The following NDUFA9 variants were observed in gnomAD, a reference collection of about 807,000 sequenced individuals.
NDUFA9 encodes the protein NADH:ubiquinone oxidoreductase subunit A9, also known as NADH dehydrogenase [ubiquinone] 1 alpha subcomplex subunit 9, mitochondrial.
In NDUFA9, 23 loss-of-function variants were observed where a neutral mutation model predicts 45.9. The observed-to-expected ratio is 0.50, with a 90% CI of 0.36 to 0.71. The LOEUF (loss-of-function observed/expected upper bound fraction) is 0.71, where lower values mean the gene tolerates loss of function less well. Among genes scored for constraint, NDUFA9 ranks in the 30% least tolerant of loss-of-function variants. The pLI is 0.00. For missense variants in NDUFA9, 466 were observed against 488.2 expected, an observed-to-expected ratio of 0.95 and a Z score of 0.43; for synonymous variants, 176 against 170.5, an observed-to-expected ratio of 1.03 and a Z score of -0.25.
chr12:4,686,879 A>G, intron 10 of NDUFA9, 59 bp from the exon 11 acceptor site: 2 of 1,524,374 alleles, frequency 1.3e-6, no homozygotes, highest in South Asian at 1.2e-5. Flanking sequence ...GCCTGCTAGG[A>G]TAGCACTTTG....
chr12:4,655,582 C>A (rs886540715), intron 3 of NDUFA9, among the ~76,000 whole-genome samples: 1 of 151,816 alleles, frequency 6.6e-6, no homozygotes, highest in Non-Finnish European at 1.5e-5. Context: ...TTCTTTTTTA[C>A]CTATGTGCCT....
chr12:4,686,841 G>C (rs1434531317), intron 10 of NDUFA9, 97 bp from the exon 11 acceptor site: 2 of 1,152,654 alleles, frequency 1.7e-6, no homozygotes, highest in Admixed American at 2.5e-5. Flanking sequence ...CTCAATAATA[G>C]GACTCATGCC....
At chr12:4,654,269 T>C (rs1945776150) in intron 1 of NDUFA9, 23 bp from the exon 2 acceptor site, 5 of 1,597,496 alleles carry the variant, frequency 3.1e-6, no homozygotes, top group Non-Finnish European at 4.3e-6. Flanking sequence ...GCCATGCTTG[T>C]ATACTTTGGG....
chr12:4,654,779 C>A, intron 2 of NDUFA9, 46 bp from the exon 3 acceptor site: 1 of 1,326,958 alleles, frequency 7.5e-7, no homozygotes. Context: ...ATAATATATC[C>A]ACATTATGTT....
rs1203724842 is a variant in NDUFA9 at position 4,687,461 on chromosome 12, GT to G, written c.*359del. ...TAAAGACCCCAAGTGATATGTGATT[GT>G]TTTTTAATTTCCATTAAATGAGAGA... is the stretch of plus-strand genomic sequence containing the variant. On this transcript the variant is annotated 3_prime_UTR_variant, in exon 11 of 11. Transcript: ENST00000266544. 6.0e-6 allele frequency: 1 copy of G among 165,892 alleles called. No homozygotes were observed. The highest frequency in any genetic ancestry group is 1.3e-5 in the Non-Finnish European group (1 of 77,532). The allele number at this position is 165,892 out of a possible 1,614,324, so 10.3% of individuals were successfully genotyped here.
At chr12:4,657,490 A>G (rs1440172000) in intron 3 of NDUFA9, 2 of 364,292 alleles carry the variant, frequency 5.5e-6, no homozygotes, top group South Asian at 8.2e-5. Flanking sequence ...TTAAAAATCA[A>G]TAGCCTCCTT....
In NDUFA9 at chr12:4,687,213, A is replaced by G. The variant is rs1231162919; in HGVS notation, c.*105A>G. The G allele has an allele frequency of 2.9e-6, 3 of 1,036,058 alleles. No homozygotes were observed. Among genetic ancestry groups the G allele is most frequent in the Non-Finnish European group, 4.1e-6 (3 of 738,568 alleles). 64.2% of individuals were successfully genotyped at this position (1,036,058 alleles called of 1,614,324 possible). On this transcript the variant is annotated 3_prime_UTR_variant, in exon 11 of 11. Coordinates refer to ENST00000266544, the MANE Select transcript of NDUFA9 (RefSeq NM_005002.5). ...AGAGGATCCTGTACACAGTTCCACT[A>G]TTAAAACATTTCAGGTTGAATTCTG... is the stretch of plus-strand genomic sequence containing the variant.
chr12:4,689,767 G>A lies in NDUFA9; in HGVS notation c.*2659G>A, dbSNP rs143780413. 1,250 of 177,696 alleles carry A rather than the reference G, an allele frequency of 7.0e-3. 8 individuals are homozygous for A. The highest frequency in any genetic ancestry group is 0.011 in the Non-Finnish European group (936 of 87,168). The allele number at this position is 177,696 out of a possible 1,614,324, so 11.0% of individuals were successfully genotyped here. On this transcript the variant is annotated 3_prime_UTR_variant, in exon 11 of 11. Transcript: ENST00000266544. ...CCCACATTTCCCCCTTTTCTATTCCGCAAAACCACCATCGTCATCATGGCC... is the reference window on the plus strand; with the variant it reads ...CCCACATTTCCCCCTTTTCTATTCCACAAAACCACCATCGTCATCATGGCC...
At position 4,691,945 on chromosome 12, in the gene NDUFA9, C is replaced by T. The variant is rs1204434574; in HGVS notation, c.*4837C>T. 1 of 152,082 alleles carries T rather than the reference C, an allele frequency of 6.6e-6. No homozygotes were observed. The highest frequency in any genetic ancestry group is 6.5e-5 in the Admixed American group (1 of 15,280). The allele number at this position is 152,082 out of a possible 1,614,324, so 9.4% of individuals were successfully genotyped here. ...GTGCCCACCAAAGTTAGGCACATCC[C>T]ACAGCAAGTGGGAGAAAGGAGTGCT... is the stretch of plus-strand genomic sequence containing the variant. On this transcript the variant is annotated 3_prime_UTR_variant, in exon 11 of 11. Transcript: ENST00000266544.
At position 4,654,303 on chromosome 12, in the gene NDUFA9, A is replaced by G; in HGVS notation, c.61A>G (p.Thr21Ala). Reference protein sequence around the residue: ...RVLSMSRSAITAIATSVCHGP... With the variant: ...RVLSMSRSAIAAIATSVCHGP... ...GGGTTTTGTTTAAGGTTCTGCCATT[A>G]CTGCAATAGCCACATCTGTGTGTCA... Residue 21 changes from threonine to alanine, a missense_variant, in exon 2 of 11, where the codon ACT (threonine) becomes GCT (alanine). Coordinates refer to ENST00000266544, the MANE Select transcript of NDUFA9 (RefSeq NM_005002.5). 6.2e-7 allele frequency: 1 copy of G among 1,613,148 alleles called. No individual in the cohort carries two copies. The highest frequency in any genetic ancestry group is 8.5e-7 in the Non-Finnish European group (1 of 1,179,368).
rs1201775995 is a variant in NDUFA9 at position 4,675,399 on chromosome 12, A to G, written c.800+5582A>G. 2.0e-5 allele frequency among the ~76,000 whole-genome samples: 3 copies of G among 151,550 alleles called. No homozygotes were observed. The East Asian group carries it at 5.8e-4, about 29-fold the overall frequency. ...AGGAGCTGGTTTTTTTCAACAACAT[A>G]GATAGACTGCTAGCCAGACTAATAA... On this transcript the variant is annotated intron_variant, in intron 8 of 10. Transcript: ENST00000266544.
At position 4,654,337 on chromosome 12, in the gene NDUFA9, C is replaced by G. The variant is rs1462684907; in HGVS notation, c.95C>G (p.Pro32Arg). The change falls in exon 2 of 11, where the codon CCC (proline) becomes CGC (arginine). Residue 32 changes from proline (P) to arginine (R), a missense_variant. Pro to Arg is a moderately radical substitution (Grantham distance 103, BLOSUM62 -2). Transcript: ENST00000266544. ...AIATSVCHGP[P>R]CRQLHHALMP... The stretch of plus-strand genomic sequence containing the variant: ...GCCACATCTGTGTGTCACGGCCCAC[C>G]CTGTCGCCAGCTTCATCATGCCCTC... 6.2e-7 allele frequency: 1 copy of G among 1,614,096 alleles called. No individual in the cohort carries two copies. Among genetic ancestry groups the G allele is most frequent in the African/African-American group, 1.3e-5 (1 of 75,030 alleles).
At chr12:4,676,264 C>T (rs1017695709) in intron 8 of NDUFA9, among the ~76,000 whole-genome samples, 7 of 152,194 alleles carry the variant, frequency 4.6e-5, no homozygotes, top group Admixed American at 2.0e-4. Context: ...CACTCGTGTT[C>T]AACGTAGTGT....
At chr12:4,683,290 A>G (rs2137487066) in intron 9 of NDUFA9, among the ~76,000 whole-genome samples, 2 of 152,310 alleles carry the variant, frequency 1.3e-5, no homozygotes, top group Middle Eastern at 6.8e-3. Context: ...ACCAAATAAA[A>G]TAAAATCTTG....
At position 4,690,973 on chromosome 12, in the gene NDUFA9, G is replaced by A. The variant is rs1404054065; in HGVS notation, c.*3865G>A. The A allele has an allele frequency of 6.6e-6, 1 of 152,228 alleles. No individual in the cohort carries two copies. Among genetic ancestry groups the A allele is most frequent in the African/African-American group, 2.4e-5 (1 of 41,400 alleles). The allele number at this position is 152,228 out of a possible 1,614,324, so 9.4% of individuals were successfully genotyped here. On this transcript the variant is annotated 3_prime_UTR_variant, in exon 11 of 11. Coordinates refer to ENST00000266544, the MANE Select transcript of NDUFA9 (RefSeq NM_005002.5). ...GGGGCATGAATGAGTGGGTGGTTATGAGTGGGAGGCAGAGTCCGTGAGTTG... is the reference window on the plus strand; with the variant it reads ...GGGGCATGAATGAGTGGGTGGTTATAAGTGGGAGGCAGAGTCCGTGAGTTG...
At chr12:4,667,512 CTT>C (rs11335422) in intron 6 of NDUFA9, 3,765 of 157,014 alleles carry the variant, frequency 0.024, 1 homozygote, top group South Asian at 0.055. Context: ...AATTTCTACT[CTT>C]TTTTTTTTTT....
chr12:4,656,844 T>C (rs565043690), intron 3 of NDUFA9, among the ~76,000 whole-genome samples: 2 of 152,332 alleles, frequency 1.3e-5, no homozygotes, highest in South Asian at 4.1e-4. Flanking sequence ...TCCTGTCTGT[T>C]TGACTCCAAA....
intron 8 of NDUFA9, among the ~76,000 whole-genome samples, chr12:4,671,495 GAGTC>G (rs1945886890): frequency 6.6e-6 from 1 of 152,078 alleles, no homozygotes; most frequent in Admixed American, 6.5e-5. Context: ...TGGATTGAAT[GAGTC>G]AGTATGATTA....
chr12:4,662,415 C>G, intron 5 of NDUFA9, 118 bp from the exon 6 acceptor site: 1 of 756,168 alleles, frequency 1.3e-6, no homozygotes, highest in South Asian at 1.7e-5. Flanking sequence ...ACATGATTAC[C>G]TTTATCTGGA....
Sources: gnomAD v4.1 joint callset for allele counts (sites outside exome capture counted in the v4.1 genomes callset) on GRCh38, gnomAD v4.1.1 for gene constraint, MANE v1.5 for transcripts, NCBI Gene and HGNC (gene_info 2026-07-23, HGNC 2026-07-21) for gene names.